SLC12A1: variants seen among roughly 807,000 people sequenced by gnomAD.
SLC12A1 encodes solute carrier family 12 member 1, also known as Na-K-2Cl cotransporter.
In SLC12A1, 89 loss-of-function variants were observed where a neutral mutation model predicts 130.4. The observed-to-expected ratio is 0.68, with a 90% CI of 0.58 to 0.81. SLC12A1 has a LOEUF of 0.81. SLC12A1 is among the 40% of genes least tolerant of loss of function. SLC12A1 has a pLI of 0.00. For synonymous variants in SLC12A1, 499 were observed against 460.0 expected (o/e 1.08, Z -1.09); for missense variants, 1,310 against 1,336.4 (o/e 0.98, Z 0.31).
At chr15:48,266,584 A>C (rs182561668) in intron 17 of SLC12A1, among the ~76,000 whole-genome samples, 280 of 152,142 alleles carry the variant, frequency 1.8e-3, no homozygotes, top group Middle Eastern at 3.4e-3. Context: ...CAAAATATTG[A>C]GCCCTGCTTC....
intron 10 of SLC12A1, among the ~76,000 whole-genome samples, chr15:48,244,173 T>C (rs2041550799): frequency 6.6e-6 from 1 of 152,220 alleles, no homozygotes; most frequent in South Asian, 2.1e-4. Flanking sequence ...CTGATCAATA[T>C]AATTTGACCA....
At chr15:48,254,946 A>T (rs1202213636) in intron 15 of SLC12A1, among the ~76,000 whole-genome samples, 1 of 151,924 alleles carries the variant, frequency 6.6e-6, no homozygotes, top group Non-Finnish European at 1.5e-5. Context: ...AAAGCGGAGG[A>T]GGGGGAAGGG....
rs137853157 is a variant in SLC12A1, at chr15:48,251,770, G to C, written c.1942G>C (p.Asp648His). 6.2e-7 allele frequency: 1 copy of C among 1,613,370 alleles called. No homozygotes were observed. The highest frequency in any genetic ancestry group is 8.5e-7 in the Non-Finnish European group (1 of 1,179,594). The part of the protein sequence containing the change: ...LYVYVTCKKP[D>H]VNWGSSTQAL... ...CGTCTATGTGACTTGTAAGAAGCCA[G>C]GTAAGATAATGACTGTCTGGAATAG... The change falls in exon 15 of 27, where the codon GAT becomes CAT. Residue 648 changes from aspartate (D) to histidine (H), a missense_variant and splice_region_variant. Coordinates refer to ENST00000380993, the MANE Select transcript of SLC12A1 (RefSeq NM_000338.3).
chr15:48,227,154 C>T (rs542887375), intron 5 of SLC12A1: 432 of 1,550,740 alleles, frequency 2.8e-4, no homozygotes, highest in Non-Finnish European at 3.5e-4. Flanking sequence ...GCTATTTGCA[C>T]GAATGGAGTA....
intron 2 of SLC12A1, among the ~76,000 whole-genome samples, chr15:48,212,461 G>T (rs973417323): frequency 2.0e-5 from 3 of 151,932 alleles, no homozygotes; most frequent in African/African-American, 4.8e-5. Flanking sequence ...ACATACCCTC[G>T]AGATCTTTCC....
At chr15:48,256,565 A>G (rs1366858620) in intron 16 of SLC12A1, among the ~76,000 whole-genome samples, 3 of 152,226 alleles carry the variant, frequency 2.0e-5, no homozygotes, top group Non-Finnish European at 4.4e-5. Flanking sequence ...CAATCATAGC[A>G]GAAGGCAAAG....
At chr15:48,242,126 G>T (rs2041523544) in intron 10 of SLC12A1, among the ~76,000 whole-genome samples, 1 of 152,174 alleles carries the variant, frequency 6.6e-6, no homozygotes, top group South Asian at 2.1e-4. Context: ...TGGCAGTGTA[G>T]GTGGCCAGCC....
chr15:48,299,060 G>A, intron 24 of SLC12A1, 80 bp from the exon 25 acceptor site: 1 of 1,224,360 alleles, frequency 8.2e-7, no homozygotes, highest in Non-Finnish European at 1.2e-6. Flanking sequence ...ACAGCCAGCA[G>A]AGCCAGTCAC....
chr15:48,277,879 G>A (rs894429318), intron 20 of SLC12A1, among the ~76,000 whole-genome samples: 1 of 152,158 alleles, frequency 6.6e-6, no homozygotes, highest in Non-Finnish European at 1.5e-5. Context: ...GTTTGTATAA[G>A]ACAGAGAGCT....
chr15:48,232,696 G>T, intron 7 of SLC12A1, 31 bp from the exon 8 acceptor site: 1 of 1,291,780 alleles, frequency 7.7e-7, no homozygotes, highest in South Asian at 1.2e-5. Flanking sequence ...AAATAAATCT[G>T]ATTTGGTTTC....
chr15:48,230,282 T>A, intron 6 of SLC12A1, 111 bp from the exon 7 acceptor site: 1 of 660,156 alleles, frequency 1.5e-6, no homozygotes, highest in East Asian at 2.8e-5. Flanking sequence ...TCTATTATCC[T>A]ATATGGCCCC....
At chr15:48,267,042 G>C in intron 17 of SLC12A1, among the ~76,000 whole-genome samples, 1 of 152,118 alleles carries the variant, frequency 6.6e-6, no homozygotes, top group East Asian at 1.9e-4. Context: ...TGGTATAAGG[G>C]TATTTTTGCC....
chr15:48,237,099 G>A, intron 9 of SLC12A1: 1 of 687,788 alleles, frequency 1.5e-6, no homozygotes, highest in Non-Finnish European at 2.6e-6. Flanking sequence ...AAGTGCAAAG[G>A]AAAGAGGAAG....
chr15:48,284,691 G>C (rs952591176), intron 20 of SLC12A1, among the ~76,000 whole-genome samples: 2 of 152,156 alleles, frequency 1.3e-5, no homozygotes, highest in South Asian at 2.1e-4. Flanking sequence ...CCAGGCTGCA[G>C]TGCAGTGGCA....
chr15:48,209,142 A>G (rs2041020805), intron 2 of SLC12A1, among the ~76,000 whole-genome samples: 2 of 151,808 alleles, frequency 1.3e-5, no homozygotes, highest in South Asian at 4.2e-4. Context: ...GCTCACCGCA[A>G]CCTCCACCTC....
intron 9 of SLC12A1, among the ~76,000 whole-genome samples, chr15:48,238,220 G>A (rs1567315816): frequency 6.6e-6 from 1 of 152,122 alleles, no homozygotes; most frequent in Non-Finnish European, 1.5e-5. Context: ...CCACAGTATA[G>A]TAGATGAGGA....
intron 2 of SLC12A1, 124 bp from the exon 3 acceptor site, chr15:48,220,510 T>C (rs2041198274): frequency 6.4e-6 from 6 of 933,362 alleles, no homozygotes; most frequent in Non-Finnish European, 9.3e-6. Context: ...TCAGAATATA[T>C]TTAGTTTGGG....
intron 9 of SLC12A1, among the ~76,000 whole-genome samples, chr15:48,235,631 C>T (rs2141041162): frequency 6.6e-6 from 1 of 152,048 alleles, no homozygotes; most frequent in South Asian, 2.1e-4. Flanking sequence ...CACAGCAAGA[C>T]CCTGATCTCT....
intron 15 of SLC12A1, among the ~76,000 whole-genome samples, chr15:48,253,808 T>C (rs1401573545): frequency 6.6e-6 from 1 of 152,238 alleles, no homozygotes; most frequent in Non-Finnish European, 1.5e-5. Context: ...ATGCTCCACG[T>C]GTTTGTCAGC....
Sources: allele counts gnomAD v4.1 joint callset (sites outside exome capture counted in the v4.1 genomes callset), GRCh38; gene constraint gnomAD v4.1.1; transcripts MANE v1.5; gene names NCBI Gene and HGNC (gene_info 2026-07-23, HGNC 2026-07-21).